The following ABCB1 variants were observed in gnomAD, a reference collection of about 807,000 sequenced individuals.
ABCB1 encodes ATP-dependent translocase ABCB1.
Under a neutral mutation model 142.0 loss-of-function variants are expected in ABCB1, and 69 were observed. The ratio of observed to expected loss-of-function variants is 0.49; its 90% CI spans 0.40 to 0.59. ABCB1 has a LOEUF of 0.59. ABCB1 is among the 20% of genes least tolerant of loss of function. The pLI is 0.00. For missense variants in ABCB1, 1,326 were observed against 1,554.7 expected (o/e 0.85, Z 2.47); for synonymous variants, 532 against 539.2 (o/e 0.99, Z 0.18).
chr7:87,567,648 G>A (rs754375898), intron 5 of ABCB1, among the ~76,000 whole-genome samples: 4 of 152,144 alleles, frequency 2.6e-5, no homozygotes, highest in African/African-American at 4.8e-5. Context: ...ACTGGCCATC[G>A]TGAGTTATCC....
Position 87,521,250 on chromosome 7 carries a change from T to A in ABCB1, c.2686-374A>T, listed in dbSNP as rs1339438008. On this transcript the variant is annotated intron_variant, in intron 21 of 27. Transcript: ENST00000622132. The stretch of plus-strand genomic sequence containing the variant: ...AGTTCACAGTTATTTTACACTTATT[T>A]TTAAAATGTGATGTTTATATTTTTC... The A allele has an allele frequency of 8.5e-6, 3 of 352,710 alleles. No individual in the cohort carries two copies. The East Asian group carries it at 1.9e-4, about 22-fold the overall frequency. 21.8% of individuals were successfully genotyped at this position (352,710 alleles called of 1,614,324 possible). A position where few individuals can be genotyped will look rare whatever the true frequency, so the allele number is the denominator to read the frequency against.
chr7:87,571,555 C>A (rs964752276), intron 4 of ABCB1, among the ~76,000 whole-genome samples: 1 of 152,012 alleles, frequency 6.6e-6, no homozygotes, highest in Admixed American at 6.5e-5. Context: ...CAGGACTTAG[C>A]AACTGATAGA....
At chr7:87,505,873 G>C in intron 27 of ABCB1, 24 bp downstream of exon 27, 2 of 1,613,916 alleles carry the variant, frequency 1.2e-6, no homozygotes, top group Non-Finnish European at 1.7e-6. Context: ...TTCAAGTATG[G>C]ATGAACCCAA....
chr7:87,603,504 C>A (rs1420925092), upstream of ABCB1, among the ~76,000 whole-genome samples: 1 of 152,182 alleles, frequency 6.6e-6, no homozygotes, highest in African/African-American at 2.4e-5. Flanking sequence ...CAATGGCTCC[C>A]TGCCACAGAC....
chr7:87,694,594 G>C (rs956398756), intron 1 of ABCB1, among the ~76,000 whole-genome samples: 4 of 152,044 alleles, frequency 2.6e-5, no homozygotes, highest in Admixed American at 1.3e-4. Context: ...AATTTTATCT[G>C]TTTTATGTTC....
chr7:87,586,820 T>C (rs1437912708), intron 3 of ABCB1, among the ~76,000 whole-genome samples: 1 of 152,186 alleles, frequency 6.6e-6, no homozygotes, highest in Non-Finnish European at 1.5e-5. Flanking sequence ...CAGTAATGAA[T>C]GGCAGTCCAT....
chr7:87,560,745 G>A (rs1395979274), intron 8 of ABCB1, among the ~76,000 whole-genome samples: 2 of 152,038 alleles, frequency 1.3e-5, no homozygotes, highest in South Asian at 2.1e-4. Context: ...TACCATCTAT[G>A]CTTTCAGAAA....
intron 1 of ABCB1, among the ~76,000 whole-genome samples, chr7:87,648,029 C>CA (rs1823194766): frequency 1.3e-5 from 2 of 151,462 alleles, no homozygotes; most frequent in Non-Finnish European, 1.5e-5. Context: ...CTAAAAAATA[C>CA]AAAAAATTAG....
chr7:87,595,132 T>C (rs183360786), intron 3 of ABCB1, among the ~76,000 whole-genome samples: 1 of 152,230 alleles, frequency 6.6e-6, no homozygotes, highest in East Asian at 1.9e-4. Context: ...ACATGTCTGA[T>C]TCCAAGTGTG....
At chr7:87,645,747 A>G (rs989956463) in intron 1 of ABCB1, among the ~76,000 whole-genome samples, 2 of 152,182 alleles carry the variant, frequency 1.3e-5, no homozygotes, top group African/African-American at 4.8e-5. Context: ...TTACTGTGTT[A>G]TGAAGGACAG....
intron 4 of ABCB1, among the ~76,000 whole-genome samples, chr7:87,582,304 C>T (rs1320050462): frequency 6.6e-6 from 1 of 152,208 alleles, no homozygotes; most frequent in Non-Finnish European, 1.5e-5. Flanking sequence ...TGGTTATCAC[C>T]TCCTCTTGGA....
At chr7:87,573,344 T>A (rs1818132017) in intron 4 of ABCB1, among the ~76,000 whole-genome samples, 1 of 152,194 alleles carries the variant, frequency 6.6e-6, no homozygotes, top group Admixed American at 6.5e-5. Flanking sequence ...TGACCCCTTA[T>A]GCTCTCCCTC....
intron 1 of ABCB1, among the ~76,000 whole-genome samples, chr7:87,635,621 T>A (rs568126791): frequency 1.3e-5 from 2 of 152,310 alleles, no homozygotes; most frequent in East Asian, 3.9e-4. Flanking sequence ...TAATATAAAT[T>A]TTTATTGACT....
intron 1 of ABCB1, among the ~76,000 whole-genome samples, chr7:87,642,975 G>A (rs1035035622): frequency 1.5e-4 from 23 of 152,144 alleles, no homozygotes; most frequent in South Asian, 2.1e-4. Flanking sequence ...GAGTGTAGAC[G>A]CATGACCATA....
At chr7:87,534,291 A>C (rs1331216472) in intron 20 of ABCB1, among the ~76,000 whole-genome samples, 1 of 152,130 alleles carries the variant, frequency 6.6e-6, no homozygotes, top group Admixed American at 6.5e-5. Context: ...AGCCCATACC[A>C]CAGGGTCTGT....
At chr7:87,704,585 T>TGCACA (rs1829425691) in intron 1 of ABCB1, among the ~76,000 whole-genome samples, 1 of 152,238 alleles carries the variant, frequency 6.6e-6, no homozygotes, top group Admixed American at 6.5e-5. Flanking sequence ...AACTAATCCC[T>TGCACA]GCACAGCAAT....
chr7:87,605,701 C>T (rs1819627930), upstream of ABCB1, among the ~76,000 whole-genome samples: 1 of 152,084 alleles, frequency 6.6e-6, no homozygotes, highest in African/African-American at 2.4e-5. Context: ...ATTTCTGTGT[C>T]ATTTGAAGAA....
At chr7:87,544,364 A>G in intron 16 of ABCB1, 89 bp from the exon 17 acceptor site, 4 of 1,270,388 alleles carry the variant, frequency 3.1e-6, no homozygotes, top group Non-Finnish European at 3.4e-6. Flanking sequence ...AAAGGAATAT[A>G]TCCTATCCTT....
intron 4 of ABCB1, among the ~76,000 whole-genome samples, chr7:87,576,659 T>A (rs1019164422): frequency 1.3e-5 from 2 of 151,760 alleles, no homozygotes; most frequent in Non-Finnish European, 2.9e-5. Context: ...TTTCTCCATA[T>A]TCTATCCCAG....
Sources: gnomAD v4.1 joint callset for allele counts (sites outside exome capture counted in the v4.1 genomes callset) on GRCh38, gnomAD v4.1.1 for gene constraint, MANE v1.5 for transcripts, NCBI Gene and HGNC (gene_info 2026-07-23, HGNC 2026-07-21) for gene names.